The following LUZP2 variants were observed in gnomAD, a reference collection of about 807,000 sequenced individuals.
LUZP2 encodes leucine zipper protein 2.
LUZP2 carries 52 observed loss-of-function variants against 51.6 expected under a neutral mutation model. The ratio of observed to expected loss-of-function variants is 1.01; its 90% CI spans 0.81 to 1.27. The LOEUF is 1.27. Ranked by LOEUF, LUZP2 falls within the 50% of genes most tolerant of loss-of-function variation. The pLI is 0.00. For missense variants in LUZP2, 436 were observed against 395.4 expected (o/e 1.10, Z -0.87); for synonymous variants, 154 against 137.3 (o/e 1.12, Z -0.85).
intron 4 of LUZP2, among the ~76,000 whole-genome samples, chr11:24,752,695 A>AAC (rs1859637363): frequency 1.3e-5 from 2 of 151,724 alleles, no homozygotes. Context: ...ATTGAAACTC[A>AAC]ATGCAGAAAA....
intron 5 of LUZP2, among the ~76,000 whole-genome samples, chr11:24,769,200 T>G (rs748781592): frequency 2.6e-5 from 4 of 152,002 alleles, no homozygotes; most frequent in Non-Finnish European, 5.9e-5. Flanking sequence ...CTCAAAGAAG[T>G]AGAGAGAATA....
intron 4 of LUZP2, among the ~76,000 whole-genome samples, chr11:24,750,681 G>A (rs539603122): frequency 3.3e-4 from 50 of 152,162 alleles, no homozygotes; most frequent in African/African-American, 1.1e-3. Flanking sequence ...TTTATGAGTA[G>A]AAGTTAAAAA....
At chr11:24,709,443 G>T (rs1026583352) in intron 1 of LUZP2, among the ~76,000 whole-genome samples, 3 of 152,094 alleles carry the variant, frequency 2.0e-5, no homozygotes, top group Admixed American at 6.6e-5. Context: ...ATATGGATTT[G>T]ATAGAACTAC....
intron 5 of LUZP2, chr11:24,785,955 T>G (rs1423668577): frequency 1.0e-6 from 1 of 985,304 alleles, no homozygotes; most frequent in Non-Finnish European, 1.2e-6. Context: ...AGTCACCAAA[T>G]GTAATTATTT....
chr11:24,851,746 C>T (rs1424652697), intron 5 of LUZP2, among the ~76,000 whole-genome samples: 2 of 152,104 alleles, frequency 1.3e-5, no homozygotes, highest in Non-Finnish European at 2.9e-5. Context: ...CCGTCTCATC[C>T]TGGGCTTTTT....
chr11:24,761,867 C>T (rs143920192), intron 4 of LUZP2, among the ~76,000 whole-genome samples: 5 of 148,250 alleles, frequency 3.4e-5, no homozygotes, highest in Non-Finnish European at 3.0e-5. Context: ...TTCATAAGCG[C>T]ATACACAATA....
chr11:24,531,697 T>C (rs1851005367), intron 1 of LUZP2, among the ~76,000 whole-genome samples: 1 of 150,926 alleles, frequency 6.6e-6, no homozygotes, highest in African/African-American at 2.4e-5. Flanking sequence ...CTTTCTACGC[T>C]GGCTCATTTT....
chr11:25,054,711 A>T (rs945067805), intron 10 of LUZP2, among the ~76,000 whole-genome samples: 1 of 150,828 alleles, frequency 6.6e-6, no homozygotes, highest in Non-Finnish European at 1.5e-5. Context: ...TCTTGTTTTG[A>T]TTTTTATTTT....
chr11:24,693,308 A>G (rs532834287), intron 1 of LUZP2, among the ~76,000 whole-genome samples: 7 of 151,576 alleles, frequency 4.6e-5, no homozygotes, highest in African/African-American at 1.4e-4. Context: ...GAAATTTAAC[A>G]TAATACATCA....
intron 7 of LUZP2, among the ~76,000 whole-genome samples, chr11:24,924,269 G>T (rs1019068947): frequency 6.6e-6 from 1 of 151,946 alleles, no homozygotes; most frequent in Non-Finnish European, 1.5e-5. Flanking sequence ...GTAGAGATGG[G>T]GTTTCACCAT....
At position 25,079,064 on chromosome 11, in the gene LUZP2, G is replaced by C. The variant is rs1010972545; in HGVS notation, c.*406G>C. On this transcript the variant is annotated 3_prime_UTR_variant, in exon 12 of 12. Transcript: ENST00000336930. ...ATCCAAATTACAACCATATCAGTAA[G>C]GGTTTGGTCCACATGAGCCAACTGA... 5 of 161,228 alleles carry C rather than the reference G, an allele frequency of 3.1e-5. No homozygotes were observed. Among genetic ancestry groups the C allele is most frequent in the Admixed American group, 1.9e-4 (3 of 15,554 alleles). The allele number at this position is 161,228 out of a possible 1,614,324, so 10.0% of individuals were successfully genotyped here.
At chr11:25,064,610 G>A (rs1301523904) in intron 10 of LUZP2, among the ~76,000 whole-genome samples, 1 of 152,050 alleles carries the variant, frequency 6.6e-6, no homozygotes. Flanking sequence ...CAAATTTGGT[G>A]TAGGTCTCAG....
intron 3 of LUZP2, 133 bp downstream of exon 3, chr11:24,732,321 T>C: frequency 1.6e-6 from 1 of 641,780 alleles, no homozygotes; most frequent in South Asian, 2.1e-5. Flanking sequence ...TGCATGCAAT[T>C]CACTTGGGAA....
chr11:24,970,290 A>G (rs1486570579), intron 7 of LUZP2, among the ~76,000 whole-genome samples: 1 of 152,106 alleles, frequency 6.6e-6, no homozygotes, highest in Non-Finnish European at 1.5e-5. Flanking sequence ...TATCACATTC[A>G]TGCAGCATAT....
intron 5 of LUZP2, among the ~76,000 whole-genome samples, chr11:24,889,488 A>T (rs1852778877): frequency 6.6e-6 from 1 of 152,206 alleles, no homozygotes; most frequent in Non-Finnish European, 1.5e-5. Context: ...GTCAAATGAT[A>T]ATTGTTTCAG....
intron 7 of LUZP2, among the ~76,000 whole-genome samples, chr11:24,952,954 C>G (rs1192906213): frequency 6.6e-6 from 1 of 151,778 alleles, no homozygotes; most frequent in African/African-American, 2.4e-5. Flanking sequence ...TAGAGTTTTT[C>G]TTTCTCCTGT....
chr11:24,545,185 G>T lies in LUZP2; in HGVS notation c.62+47880G>T, dbSNP rs1851501738. On this transcript the variant is annotated intron_variant, in intron 1 of 11. Coordinates refer to ENST00000336930, the MANE Select transcript of LUZP2 (RefSeq NM_001009909.4). The stretch of plus-strand genomic sequence containing the variant: ...AAGTTGGATACTAGATTAGGTCTTT[G>T]CCAGATGCATACTTTGCAAATATTT... Among the ~76,000 whole-genome samples the T allele has an allele frequency of 2.1e-5, 3 of 144,900 alleles. No homozygotes were observed. The Admixed American group carries it at 2.2e-4, about 10-fold the overall frequency.
intron 1 of LUZP2, among the ~76,000 whole-genome samples, chr11:24,718,330 C>G (rs1254983084): frequency 6.6e-6 from 1 of 152,152 alleles, no homozygotes; most frequent in East Asian, 1.9e-4. Context: ...AGGTGAGAAG[C>G]TAGACCAAAA....
chr11:24,774,332 T>TTCTCTCTCTCTCTCTCTCTCTCTCTC (rs374302170), intron 5 of LUZP2, among the ~76,000 whole-genome samples: 1 of 41,926 alleles, frequency 2.4e-5, no homozygotes, highest in Non-Finnish European at 4.4e-5. Flanking sequence ...CTTAGTAAAC[T>TTCTCTCTCTCTCTCTCTCTCTCTCTC]TCTCTCTCTC....
Sources: allele counts gnomAD v4.1 joint callset (sites outside exome capture counted in the v4.1 genomes callset), GRCh38; gene constraint gnomAD v4.1.1; transcripts MANE v1.5; gene names NCBI Gene and HGNC (gene_info 2026-07-23, HGNC 2026-07-21).